Variants in CORO2B observed in about 807,000 individuals in gnomAD.
The protein encoded by CORO2B is coronin-2B.
Under a neutral mutation model 58.8 loss-of-function variants are expected in CORO2B, and 26 were observed. The observed-to-expected ratio is 0.44, with a 90% CI of 0.32 to 0.61. The LOEUF is 0.61. Among genes scored for constraint, CORO2B ranks in the 20% least tolerant of loss-of-function variants. CORO2B has a pLI of 0.04. For missense variants in CORO2B, 460 were observed against 645.1 expected (o/e 0.71, Z 3.11); for synonymous variants, 242 against 253.8 (o/e 0.95, Z 0.44).
At chr15:68,573,493 G>A in the CORO2B span, among the ~76,000 whole-genome samples, 1 of 152,122 alleles carries the variant, frequency 6.6e-6, no homozygotes, top group Non-Finnish European at 1.5e-5. Flanking sequence ...AGCAGGGAAG[G>A]GTTGTGGTGG....
At chr15:68,586,799 C>T (rs1042995228) in intron 1 of CORO2B, among the ~76,000 whole-genome samples, 5 of 152,000 alleles carry the variant, frequency 3.3e-5, no homozygotes, top group African/African-American at 1.2e-4. Flanking sequence ...TGTGGAAGTG[C>T]CAAGTTCAGT....
At chr15:68,599,873 T>C (rs1899938688) in intron 1 of CORO2B, among the ~76,000 whole-genome samples, 1 of 152,216 alleles carries the variant, frequency 6.6e-6, no homozygotes, top group African/African-American at 2.4e-5. Context: ...TTAGCCAGGC[T>C]CTGTGGGCCT....
At chr15:68,525,810 A>G in the CORO2B span, among the ~76,000 whole-genome samples, 1 of 152,220 alleles carries the variant, frequency 6.6e-6, no homozygotes, top group East Asian at 1.9e-4. Flanking sequence ...TAAAGCTGAC[A>G]GTGCGATGAG....
intron 1 of CORO2B, among the ~76,000 whole-genome samples, chr15:68,643,790 CG>C (rs1566993538): frequency 1.3e-5 from 2 of 152,132 alleles, no homozygotes; most frequent in African/African-American, 4.8e-5. Flanking sequence ...GTAATCCCAG[CG>C]CTTTGGGAGG....
intron 2 of CORO2B, among the ~76,000 whole-genome samples, chr15:68,648,626 G>A (rs1487054439): frequency 6.6e-6 from 1 of 152,132 alleles, no homozygotes; most frequent in Admixed American, 6.6e-5. Flanking sequence ...CTCCAGCCTG[G>A]GCCACAGAGC....
intron 1 of CORO2B, among the ~76,000 whole-genome samples, chr15:68,622,338 C>T (rs1476774363): frequency 6.6e-6 from 1 of 152,148 alleles, no homozygotes; most frequent in Non-Finnish European, 1.5e-5. Context: ...GTTGGTTGTA[C>T]ATTCCCTTGA....
Position 68,627,853 on chromosome 15 carries a change from C to T in CORO2B, c.16-17307C>T, listed in dbSNP as rs535738618. On this transcript the variant is annotated intron_variant, in intron 1 of 11. Coordinates refer to ENST00000261861, the MANE Select transcript of CORO2B (RefSeq NM_006091.5). ...CGCACACCCTGGTGTATCCTCATCTCCACGCCTCCCTGTATCATAGCTAAC... is the reference window on the plus strand; with the variant it reads ...CGCACACCCTGGTGTATCCTCATCTTCACGCCTCCCTGTATCATAGCTAAC... Among the ~76,000 whole-genome samples the T allele has an allele frequency of 9.2e-5, 14 of 152,230 alleles. No individual in the cohort carries two copies. In the South Asian group the frequency reaches 2.9e-3, roughly 32 times the overall value.
chr15:68,528,595 C>T, the CORO2B span, among the ~76,000 whole-genome samples: 160 of 151,200 alleles, frequency 1.1e-3, no homozygotes, highest in East Asian at 0.016. Flanking sequence ...GTTTTCTTCC[C>T]TTTTTTGGTA....
chr15:68,519,008 G>A, the CORO2B span, among the ~76,000 whole-genome samples: 1 of 152,160 alleles, frequency 6.6e-6, no homozygotes, highest in African/African-American at 2.4e-5. Context: ...GTACATACAG[G>A]AGCAAAGCAG....
At chr15:68,669,218 C>T (rs1902305074) in intron 2 of CORO2B, among the ~76,000 whole-genome samples, 1 of 151,066 alleles carries the variant, frequency 6.6e-6, no homozygotes, top group African/African-American at 2.4e-5. Context: ...AAGCCGGAGA[C>T]AGGACTCGGC....
Position 68,617,626 on chromosome 15 carries a change from A to G in CORO2B, c.16-27534A>G, listed in dbSNP as rs540921058. ...CAGTGTGAATAGTAGGACCAGATAA[A>G]CTCTAGGTCTTTCCTTGCTGTGTTC... On this transcript the variant is annotated intron_variant, in intron 1 of 11. Coordinates refer to ENST00000261861, the MANE Select transcript of CORO2B (RefSeq NM_006091.5). Among the ~76,000 whole-genome samples the G allele has an allele frequency of 4.3e-4, 66 of 152,132 alleles. 1 individual carries two copies. Among genetic ancestry groups the G allele is most frequent in the South Asian group, 2.1e-3 (10 of 4,804 alleles).
chr15:68,654,507 T>C lies in CORO2B; in HGVS notation c.216+9147T>C, dbSNP rs1229039101. On this transcript the variant is annotated intron_variant, in intron 2 of 11. Coordinates refer to ENST00000261861, the MANE Select transcript of CORO2B (RefSeq NM_006091.5). ...AGGCATTGCCCTGGCCTCTGAAGCA[T>C]CTGGCAGTCTGCTTGATCTGCTACC... Among the ~76,000 whole-genome samples the C allele has an allele frequency of 2.0e-5, 3 of 152,336 alleles. No individual in the cohort carries two copies. In the East Asian group the frequency reaches 5.8e-4, roughly 29 times the overall value.
At position 68,719,188 on chromosome 15, in the gene CORO2B, G is replaced by A. The variant is rs1436204658; in HGVS notation, c.1125G>A (p.Thr375=). The A allele has an allele frequency of 9.9e-6, 16 of 1,613,998 alleles. No homozygotes were observed. The highest frequency in any genetic ancestry group is 5.0e-5 in the Admixed American group (3 of 60,008). The part of the protein sequence containing the change: ...QEDIYPMTPG[T]EPALTPDEWL... ...ACATTTACCCAATGACACCAGGCACGGAGCCAGCACTGACCCCGGATGAAT... is the reference window on the plus strand; with the variant it reads ...ACATTTACCCAATGACACCAGGCACAGAGCCAGCACTGACCCCGGATGAAT... Residue 375 remains threonine (T), a synonymous_variant, in exon 10 of 12, where the codon ACG becomes ACA. Coordinates refer to ENST00000261861, the MANE Select transcript of CORO2B (RefSeq NM_006091.5).
intron 2 of CORO2B, among the ~76,000 whole-genome samples, chr15:68,686,121 T>A (rs572857945): frequency 6.9e-6 from 1 of 145,298 alleles, no homozygotes; most frequent in South Asian, 2.4e-4. Context: ...CATTGCAACC[T>A]TCACCTCCCG....
chr15:68,694,918 G>A (rs538036361), intron 2 of CORO2B, among the ~76,000 whole-genome samples: 2 of 152,330 alleles, frequency 1.3e-5, no homozygotes, highest in South Asian at 4.1e-4. Context: ...ATGGCTGTGT[G>A]GCCTCCCTGA....
intron 2 of CORO2B, among the ~76,000 whole-genome samples, chr15:68,686,126 C>G (rs1265229879): frequency 6.6e-6 from 1 of 150,986 alleles, no homozygotes; most frequent in African/African-American, 2.4e-5. Flanking sequence ...CAACCTTCAC[C>G]TCCCGAGTCA....
At chr15:68,616,719 G>T in intron 1 of CORO2B, 5 of 698,864 alleles carry the variant, frequency 7.2e-6, no homozygotes, top group Non-Finnish European at 8.8e-6. Context: ...AGGGCCCCGA[G>T]AGCTGGGTCT....
intron 5 of CORO2B, among the ~76,000 whole-genome samples, 162 bp from the exon 6 acceptor site, chr15:68,713,763 C>T (rs1892970497): frequency 6.6e-6 from 1 of 152,200 alleles, no homozygotes; most frequent in South Asian, 2.1e-4. Flanking sequence ...TCTCCAAATC[C>T]TTAGCTTAAC....
At chr15:68,628,842 C>G (rs927855532) in intron 1 of CORO2B, among the ~76,000 whole-genome samples, 11 of 152,202 alleles carry the variant, frequency 7.2e-5, no homozygotes, top group African/African-American at 2.2e-4. Context: ...TTGCTGGGTA[C>G]AAGAGGCTTT....
Sources: gnomAD v4.1 joint callset for allele counts (sites outside exome capture counted in the v4.1 genomes callset) on GRCh38, gnomAD v4.1.1 for gene constraint, MANE v1.5 for transcripts, NCBI Gene and HGNC (gene_info 2026-07-23, HGNC 2026-07-21) for gene names.